CHST9: variants seen among roughly 807,000 people sequenced by gnomAD.
CHST9 encodes GalNAc-4-sulfotransferase 2.
CHST9 carries 41 observed loss-of-function variants against 44.4 expected under a neutral mutation model. That is an observed-to-expected ratio of 0.92 (90% confidence interval 0.72 to 1.20). CHST9 has a LOEUF of 1.20. Among genes scored for constraint, CHST9 ranks in the 50% most tolerant of loss-of-function variants. The pLI, the probability that CHST9 is intolerant of heterozygous loss-of-function variation, is 0.00. For synonymous variants in CHST9, 171 were observed against 178.4 expected, an observed-to-expected ratio of 0.96 and a Z score of 0.33; for missense variants, 504 against 516.5, an observed-to-expected ratio of 0.98 and a Z score of 0.23.
At chr18:27,024,073 C>A (rs1448527426) in intron 4 of CHST9, 43 bp downstream of exon 4, 1 of 1,588,648 alleles carries the variant, frequency 6.3e-7, no homozygotes, top group Non-Finnish European at 8.6e-7. Flanking sequence ...CTCTGCTTAT[C>A]TATAACTACC....
chr18:26,997,183 A>C (rs1378706530), intron 4 of CHST9, among the ~76,000 whole-genome samples: 1 of 152,222 alleles, frequency 6.6e-6, no homozygotes, highest in East Asian at 1.9e-4. Context: ...GGATCCACAC[A>C]CAGCTATTAA....
chr18:27,101,290 A>C (rs1275525519), intron 2 of CHST9, among the ~76,000 whole-genome samples: 1 of 152,164 alleles, frequency 6.6e-6, no homozygotes, highest in Non-Finnish European at 1.5e-5. Context: ...CTTTCTTTTT[A>C]CATAGTAGTT....
chr18:27,032,027 G>A (rs200762086), intron 3 of CHST9, among the ~76,000 whole-genome samples: 1 of 152,032 alleles, frequency 6.6e-6, no homozygotes, highest in East Asian at 1.9e-4. Flanking sequence ...TTAATAACTT[G>A]TCTAGGTCAC....
intron 2 of CHST9, among the ~76,000 whole-genome samples, chr18:27,141,397 C>G (rs535804044): frequency 6.6e-6 from 1 of 150,922 alleles, no homozygotes; most frequent in Non-Finnish European, 1.5e-5. Context: ...AATAGACCAG[C>G]CTGGTCAACA....
chr18:26,948,391 TAAAAA>T, intron 4 of CHST9, among the ~76,000 whole-genome samples: 1 of 149,422 alleles, frequency 6.7e-6, no homozygotes, highest in African/African-American at 2.4e-5. Context: ...AACTTAAAGT[TAAAAA>T]AAAAATATCA....
At chr18:27,148,991 C>T (rs547545886) in intron 1 of CHST9, among the ~76,000 whole-genome samples, 1 of 131,964 alleles carries the variant, frequency 7.6e-6, no homozygotes, top group East Asian at 2.7e-4. Flanking sequence ...TTTTGATTTG[C>T]ATTTCTCTGA....
In CHST9 at chr18:27,074,694, C is replaced by T. The variant is rs184655952; in HGVS notation, c.122-26191G>A. Among the ~76,000 whole-genome samples the T allele has an allele frequency of 3.5e-3, 538 of 151,902 alleles. 9 individuals are homozygous for T. Among genetic ancestry groups the T allele is most frequent in the Admixed American group, 0.026 (394 of 15,226 alleles). ...ATTTATATAAAACACATGATATTTC[C>T]TAGCTTTGCAAAATTAACAAAGCTT... is the stretch of plus-strand genomic sequence containing the variant. On this transcript the variant is annotated intron_variant, in intron 2 of 5. Transcript: ENST00000618847.
intron 4 of CHST9, among the ~76,000 whole-genome samples, chr18:27,008,269 A>G (rs1421515325): frequency 6.6e-6 from 1 of 152,192 alleles, no homozygotes; most frequent in Non-Finnish European, 1.5e-5. Flanking sequence ...GAAGAGGAGA[A>G]GAAGATGGGG....
At chr18:27,078,745 A>C (rs890231135) in intron 2 of CHST9, among the ~76,000 whole-genome samples, 2 of 152,154 alleles carry the variant, frequency 1.3e-5, no homozygotes, top group African/African-American at 4.8e-5. Flanking sequence ...GAGCTGAAAA[A>C]GGGTGGCAGA....
intron 4 of CHST9, among the ~76,000 whole-genome samples, chr18:26,978,993 T>G (rs1304976635): frequency 2.6e-5 from 4 of 152,074 alleles, no homozygotes; most frequent in Admixed American, 1.3e-4. Flanking sequence ...TGGTTTTTGT[T>G]GTTTCCGTTT....
chr18:27,114,649 T>G (rs796135302), intron 2 of CHST9, among the ~76,000 whole-genome samples: 6 of 152,322 alleles, frequency 3.9e-5, no homozygotes, highest in African/African-American at 1.4e-4. Context: ...CTAATCTACT[T>G]TCTGTCTCTA....
At chr18:26,993,802 A>C (rs2145212912) in intron 4 of CHST9, among the ~76,000 whole-genome samples, 1 of 152,358 alleles carries the variant, frequency 6.6e-6, no homozygotes, top group East Asian at 1.9e-4. Flanking sequence ...CTGATCATAA[A>C]ATAACAAGTT....
intron 2 of CHST9, among the ~76,000 whole-genome samples, chr18:27,127,764 G>C (rs1385328601): frequency 2.6e-5 from 4 of 152,196 alleles, no homozygotes; most frequent in Admixed American, 6.5e-5. Flanking sequence ...CACTGAGGAG[G>C]CAGAAGCCCT....
At chr18:27,083,215 G>A (rs2057977565) in intron 2 of CHST9, among the ~76,000 whole-genome samples, 1 of 152,076 alleles carries the variant, frequency 6.6e-6, no homozygotes, top group Admixed American at 6.6e-5. Flanking sequence ...GCATTGGAAG[G>A]GAGGCAATGC....
chr18:27,050,575 A>G (rs2057554555), intron 2 of CHST9, among the ~76,000 whole-genome samples: 1 of 152,204 alleles, frequency 6.6e-6, no homozygotes, highest in Non-Finnish European at 1.5e-5. Flanking sequence ...TGTCGCTGCC[A>G]AAAGTGTAGA....
intron 5 of CHST9, chr18:26,930,927 C>T (rs2055865937): frequency 1.5e-5 from 1 of 65,478 alleles, no homozygotes; most frequent in Non-Finnish European, 2.7e-5. Flanking sequence ...GCAGAATATA[C>T]ATGGGGTGGG....
At chr18:27,081,989 G>A (rs1290733970) in intron 2 of CHST9, among the ~76,000 whole-genome samples, 4 of 152,154 alleles carry the variant, frequency 2.6e-5, no homozygotes, top group Admixed American at 2.6e-4. Context: ...AGTCACCTGC[G>A]ACATGTTTAT....
At chr18:27,034,069 T>G (rs996313147) in intron 3 of CHST9, among the ~76,000 whole-genome samples, 3 of 152,262 alleles carry the variant, frequency 2.0e-5, no homozygotes, top group African/African-American at 7.2e-5. Flanking sequence ...TTGCAGTAGA[T>G]ATCCAAGAAG....
intron 2 of CHST9, among the ~76,000 whole-genome samples, chr18:27,127,058 T>G (rs897604779): frequency 6.6e-6 from 1 of 152,106 alleles, no homozygotes; most frequent in African/African-American, 2.4e-5. Context: ...GGAGGAAGTA[T>G]AGACTTTGGA....
Sources: allele counts gnomAD v4.1 joint callset (sites outside exome capture counted in the v4.1 genomes callset), GRCh38; gene constraint gnomAD v4.1.1; transcripts MANE v1.5; gene names NCBI Gene and HGNC (gene_info 2026-07-23, HGNC 2026-07-21).